Variants in DLGAP1 observed in about 807,000 individuals in gnomAD.
DLGAP1 encodes DLG associated protein 1.
In DLGAP1, 11 loss-of-function variants were observed where a neutral mutation model predicts 90.8. That is an observed-to-expected ratio of 0.12 (90% CI 0.08 to 0.20). The LOEUF is 0.20. DLGAP1 is among the 10% of genes least tolerant of loss of function. The pLI, the probability that DLGAP1 is intolerant of heterozygous loss-of-function variation, is 1.00. For synonymous variants in DLGAP1, 558 were observed against 540.7 expected (o/e 1.03, Z -0.44); for missense variants, 1,050 against 1,333.8 (o/e 0.79, Z 3.31).
intron 11 of DLGAP1, among the ~76,000 whole-genome samples, chr18:3,503,443 A>G (rs1039755811): frequency 3.3e-5 from 5 of 152,222 alleles, no homozygotes; most frequent in Non-Finnish European, 7.3e-5. Context: ...ACCTGAATTT[A>G]TATGCCCTAA....
chr18:4,052,449 C>G (rs540288521), intron 2 of DLGAP1, among the ~76,000 whole-genome samples: 1 of 152,314 alleles, frequency 6.6e-6, no homozygotes, highest in South Asian at 2.1e-4. Context: ...TGAGCTGTAA[C>G]TTGGCCCCTT....
intron 3 of DLGAP1, among the ~76,000 whole-genome samples, chr18:3,988,803 T>A (rs2073897451): frequency 6.6e-6 from 1 of 152,154 alleles, no homozygotes; most frequent in Admixed American, 6.5e-5. Context: ...CTTATAATGT[T>A]TGTTTCTTCA....
rs542582605 is a variant in DLGAP1, at chr18:3,686,210, A to AAAAT, written c.1591+42921_1591+42924dup. 3.0e-3 allele frequency among the ~76,000 whole-genome samples: 450 copies of AAAAT among 152,136 alleles called. 2 individuals are homozygous for AAAAT. The highest frequency in any genetic ancestry group is 5.3e-3 in the Non-Finnish European group (359 of 68,008). On this transcript the variant is annotated intron_variant, in intron 7 of 12. Coordinates refer to ENST00000315677, the MANE Select transcript of DLGAP1 (RefSeq NM_004746.4). Reference sequence around the variant, plus strand: ...AACAAACAAACAAACAGAATAAACTAAAATAAATAAATAAAATGAAAATAG... The same window carrying AAAAT: ...AACAAACAAACAAACAGAATAAACTAAAATAAATAAATAAATAAAATGAAAATAG...
intron 2 of DLGAP1, among the ~76,000 whole-genome samples, chr18:4,007,116 T>G (rs1397635540): frequency 6.6e-6 from 1 of 152,170 alleles, no homozygotes; most frequent in African/African-American, 2.4e-5. Context: ...AGAATAACCC[T>G]GGTGACACAT....
At chr18:3,752,184 C>T (rs1012670416) in intron 5 of DLGAP1, among the ~76,000 whole-genome samples, 5 of 152,068 alleles carry the variant, frequency 3.3e-5, no homozygotes, top group African/African-American at 1.2e-4. Flanking sequence ...ACGGCCGGCT[C>T]ATAAAGTTTT....
intron 10 of DLGAP1, 47 bp from the exon 11 acceptor site, chr18:3,508,708 T>C: frequency 1.3e-6 from 2 of 1,486,840 alleles, no homozygotes; most frequent in Non-Finnish European, 1.9e-6. Context: ...TGCTTCATTG[T>C]TGAGATTTAG....
intron 3 of DLGAP1, among the ~76,000 whole-genome samples, chr18:3,893,959 T>C (rs966420623): frequency 3.3e-5 from 5 of 152,222 alleles, no homozygotes; most frequent in Admixed American, 2.6e-4. Context: ...TTTGCATTTT[T>C]CTGATGATTA....
chr18:3,509,499 C>T (rs2050420607), intron 10 of DLGAP1, among the ~76,000 whole-genome samples: 1 of 152,180 alleles, frequency 6.6e-6, no homozygotes, highest in Non-Finnish European at 1.5e-5. Flanking sequence ...CTGGGGCTCG[C>T]CTGCACCCTT....
intron 1 of DLGAP1, among the ~76,000 whole-genome samples, chr18:4,322,257 T>A (rs2080710627): frequency 6.6e-6 from 1 of 151,610 alleles, no homozygotes; most frequent in Admixed American, 6.6e-5. Flanking sequence ...AAAACTATAA[T>A]AATAAAAACA....
intron 1 of DLGAP1, among the ~76,000 whole-genome samples, chr18:4,367,004 C>A (rs1352662360): frequency 8.7e-4 from 53 of 60,706 alleles, no homozygotes; most frequent in African/African-American, 1.4e-3. Context: ...CTGTCAATGG[C>A]AAAAAAAAAA....
chr18:4,426,319 A>G (rs1389229531), intron 1 of DLGAP1, among the ~76,000 whole-genome samples: 1 of 152,142 alleles, frequency 6.6e-6, no homozygotes, highest in Non-Finnish European at 1.5e-5. Context: ...GTTCTCCCCA[A>G]ATGGTCTTGA....
At chr18:4,201,153 A>C (rs1607970) in intron 1 of DLGAP1, among the ~76,000 whole-genome samples, 78,949 of 151,880 alleles carry the variant, frequency 0.52, 21,101 homozygotes, top group Non-Finnish European at 0.58. Context: ...AGTTTAGTTC[A>C]GTCCCGTTTA....
rs1020347243 is a variant in DLGAP1 at position 3,892,895 on chromosome 18, T to C, written c.-72-12755A>G. On this transcript the variant is annotated intron_variant, in intron 3 of 12. Coordinates refer to ENST00000315677, the MANE Select transcript of DLGAP1 (RefSeq NM_004746.4). ...TTTTATATATATAAAGAATTATAAATATATATAAATATATATATTTATATA... is the reference window on the plus strand; with the variant it reads ...TTTTATATATATAAAGAATTATAAACATATATAAATATATATATTTATATA... 2.0e-5 allele frequency among the ~76,000 whole-genome samples: 3 copies of C among 146,378 alleles called. No homozygotes were observed. The South Asian group carries it at 6.3e-4, about 31-fold the overall frequency.
rs1345753937 is a variant in DLGAP1, at chr18:4,417,663, C to T, written c.-267+37343G>A. The stretch of plus-strand genomic sequence containing the variant: ...TGTCCAGAGTGAAGGGCAATTAACA[C>T]TGCCTCTCTTGGGCACAGGAAAAAA... On this transcript the variant is annotated intron_variant, in intron 1 of 12. Transcript: ENST00000315677. 3.3e-5 allele frequency among the ~76,000 whole-genome samples: 5 copies of T among 152,088 alleles called. No individual in the cohort carries two copies. The Admixed American group carries it at 3.3e-4, about 10-fold the overall frequency.
intron 1 of DLGAP1, among the ~76,000 whole-genome samples, chr18:4,251,328 G>C (rs7241254): frequency 0.09 from 13,642 of 152,198 alleles, 2,079 homozygotes; most frequent in African/African-American, 0.31. Context: ...AGCTCATTTA[G>C]TCCAAGAACT....
intron 1 of DLGAP1, among the ~76,000 whole-genome samples, chr18:4,256,987 TAG>T (rs1404265380): frequency 1.3e-5 from 2 of 152,158 alleles, no homozygotes; most frequent in African/African-American, 4.8e-5. Flanking sequence ...GACTCTGGCA[TAG>T]ATTCTGGCTG....
At chr18:4,294,499 C>G (rs2079927249) in intron 1 of DLGAP1, 1 of 152,290 alleles carries the variant, frequency 6.6e-6, no homozygotes, top group South Asian at 2.1e-4. Flanking sequence ...GAGCTCAAAG[C>G]CCTTACAAGA....
Position 4,236,175 on chromosome 18 carries a change from A to G in DLGAP1, c.-266-84888T>C, listed in dbSNP as rs113881364. On this transcript the variant is annotated intron_variant, in intron 1 of 12. Coordinates refer to ENST00000315677, the MANE Select transcript of DLGAP1 (RefSeq NM_004746.4). ...AACTTTATCTGTAAAATGAGGATAA[A>G]ATAATATTACCTGCCTCATAGGATT... Among the ~76,000 whole-genome samples the G allele has an allele frequency of 2.8e-3, 430 of 152,320 alleles. 2 individuals carry two copies. Among genetic ancestry groups the G allele is most frequent in the African/African-American group, 9.1e-3 (377 of 41,572 alleles).
chr18:4,030,718 C>T (rs1318420068), intron 2 of DLGAP1, among the ~76,000 whole-genome samples: 1 of 152,102 alleles, frequency 6.6e-6, no homozygotes, highest in Non-Finnish European at 1.5e-5. Context: ...CCCAGGAGTT[C>T]GAGACCAGCC....
Sources: gnomAD v4.1 joint callset for allele counts (sites outside exome capture counted in the v4.1 genomes callset) on GRCh38, gnomAD v4.1.1 for gene constraint, MANE v1.5 for transcripts, NCBI Gene and HGNC (gene_info 2026-07-23, HGNC 2026-07-21) for gene names.